The following LRRC4C variants were observed in gnomAD, a reference collection of about 807,000 sequenced individuals.
The protein encoded by LRRC4C is leucine-rich repeat-containing protein 4C.
A neutral mutation model predicts 33.6 loss-of-function variants in LRRC4C; 5 were observed. That is an observed-to-expected ratio of 0.15 (90% CI 0.08 to 0.31). The LOEUF (loss-of-function observed/expected upper bound fraction) is 0.31. Ranked by LOEUF, LRRC4C falls within the 10% of genes least tolerant of loss-of-function variation. The pLI is 1.00. For synonymous variants in LRRC4C, 329 were observed against 302.0 expected (o/e 1.09, Z -0.93); for missense variants, 560 against 796.7 (o/e 0.70, Z 3.58).
intron 3 of LRRC4C, among the ~76,000 whole-genome samples, chr11:40,404,723 C>T (rs953848707): frequency 6.6e-6 from 1 of 151,900 alleles, no homozygotes; most frequent in Admixed American, 6.6e-5. Flanking sequence ...CAATAATATT[C>T]CCATGTTAAA....
At chr11:40,621,427 C>CA (rs1444021143) in intron 3 of LRRC4C, among the ~76,000 whole-genome samples, 2 of 151,752 alleles carry the variant, frequency 1.3e-5, no homozygotes, top group African/African-American at 4.8e-5. Flanking sequence ...CATGAACTGG[C>CA]ATCTGCTGTT....
At chr11:41,113,952 A>G (rs933698634) in intron 1 of LRRC4C, among the ~76,000 whole-genome samples, 1 of 152,098 alleles carries the variant, frequency 6.6e-6, no homozygotes, top group African/African-American at 2.4e-5. Flanking sequence ...CATTAGATGA[A>G]TCTAAATATA....
chr11:40,423,903 T>C (rs1028166835), intron 3 of LRRC4C, among the ~76,000 whole-genome samples: 3 of 152,214 alleles, frequency 2.0e-5, no homozygotes, highest in African/African-American at 7.2e-5. Context: ...TTATAAATCA[T>C]TTTATATGAT....
At chr11:40,389,242 A>C (rs1297478414) in intron 3 of LRRC4C, among the ~76,000 whole-genome samples, 1 of 152,168 alleles carries the variant, frequency 6.6e-6, no homozygotes, top group Non-Finnish European at 1.5e-5. Flanking sequence ...GCCACTAAAA[A>C]ACAAAGTGAT....
chr11:40,833,368 A>G (rs1342093914), intron 2 of LRRC4C, among the ~76,000 whole-genome samples: 1 of 152,188 alleles, frequency 6.6e-6, no homozygotes, highest in African/African-American at 2.4e-5. Flanking sequence ...CAGTTGTCAC[A>G]TTTAGTTAAA....
chr11:40,935,535 G>A (rs1267083700), intron 1 of LRRC4C, among the ~76,000 whole-genome samples: 2 of 151,994 alleles, frequency 1.3e-5, no homozygotes, highest in Non-Finnish European at 2.9e-5. Flanking sequence ...ACTTAGCATT[G>A]TGTTATAACT....
chr11:40,127,950 A>G (rs907992683), intron 6 of LRRC4C, among the ~76,000 whole-genome samples: 1 of 152,198 alleles, frequency 6.6e-6, no homozygotes, highest in Non-Finnish European at 1.5e-5. Flanking sequence ...ACAAAGGACT[A>G]CTAAACACAC....
intron 3 of LRRC4C, among the ~76,000 whole-genome samples, chr11:40,477,318 A>T (rs201835180): frequency 6.6e-6 from 1 of 151,662 alleles, no homozygotes; most frequent in Non-Finnish European, 1.5e-5. Context: ...GAAAAAAAAA[A>T]TCAGACTCCT....
chr11:40,370,115 G>A (rs1948386877), intron 3 of LRRC4C, among the ~76,000 whole-genome samples: 1 of 152,148 alleles, frequency 6.6e-6, no homozygotes, highest in African/African-American at 2.4e-5. Flanking sequence ...ATCTGAGTAT[G>A]GATGTGGGGA....
At chr11:41,180,171 G>C (rs1239622026) in intron 1 of LRRC4C, among the ~76,000 whole-genome samples, 3 of 152,172 alleles carry the variant, frequency 2.0e-5, no homozygotes, top group African/African-American at 7.2e-5. Flanking sequence ...GGGAAAAGAA[G>C]CTAAAAGGTC....
intron 3 of LRRC4C, among the ~76,000 whole-genome samples, chr11:40,545,619 T>C (rs546392691): frequency 2.0e-4 from 30 of 152,074 alleles, no homozygotes; most frequent in African/African-American, 7.0e-4. Context: ...ATTGCTGTGT[T>C]AGATAAGTTA....
chr11:41,221,287 TG>T (rs1947295455), intron 1 of LRRC4C, among the ~76,000 whole-genome samples: 1 of 139,322 alleles, frequency 7.2e-6, no homozygotes, highest in East Asian at 2.0e-4. Flanking sequence ...AACCATCATA[TG>T]AAAAAAAAAA....
At chr11:40,505,123 G>A (rs1308311615) in intron 3 of LRRC4C, among the ~76,000 whole-genome samples, 3 of 152,056 alleles carry the variant, frequency 2.0e-5, no homozygotes, top group South Asian at 2.1e-4. Flanking sequence ...GGTCCTGGGA[G>A]GATTTGGCAG....
At chr11:40,981,409 G>A (rs1852526820) in intron 1 of LRRC4C, among the ~76,000 whole-genome samples, 3 of 146,704 alleles carry the variant, frequency 2.0e-5, no homozygotes, top group South Asian at 4.3e-4. Flanking sequence ...GCAAGACTCC[G>A]TCTCAAAAAA....
At chr11:40,822,502 G>T (rs546991259) in intron 2 of LRRC4C, among the ~76,000 whole-genome samples, 1 of 151,634 alleles carries the variant, frequency 6.6e-6, no homozygotes, top group East Asian at 1.9e-4. Flanking sequence ...CAATGTAATG[G>T]TTTTCTTTCT....
At chr11:40,979,259 G>T (rs1220200343) in intron 1 of LRRC4C, among the ~76,000 whole-genome samples, 1 of 151,996 alleles carries the variant, frequency 6.6e-6, no homozygotes, top group Non-Finnish European at 1.5e-5. Context: ...CAATTCCTTG[G>T]ATGTATGTCA....
chr11:41,354,830 C>T (rs1351362229), intron 1 of LRRC4C, among the ~76,000 whole-genome samples: 1 of 151,844 alleles, frequency 6.6e-6, no homozygotes, highest in Non-Finnish European at 1.5e-5. Context: ...ACTCATTTCA[C>T]CATATATAAA....
chr11:40,491,617 G>T (rs1334037738), intron 3 of LRRC4C, among the ~76,000 whole-genome samples: 1 of 152,054 alleles, frequency 6.6e-6, no homozygotes, highest in Non-Finnish European at 1.5e-5. Context: ...ACACAACATG[G>T]CTATTTGATT....
intron 4 of LRRC4C, among the ~76,000 whole-genome samples, chr11:40,271,373 T>C (rs552345374): frequency 1.3e-5 from 2 of 152,284 alleles, no homozygotes; most frequent in South Asian, 2.1e-4. Flanking sequence ...GTTAAACGAA[T>C]TTCGCTAAAC....
Sources: gnomAD v4.1 joint callset for allele counts (sites outside exome capture counted in the v4.1 genomes callset) on GRCh38, gnomAD v4.1.1 for gene constraint, MANE v1.5 for transcripts, NCBI Gene and HGNC (gene_info 2026-07-23, HGNC 2026-07-21) for gene names.